The following DCLK1 variants were observed in gnomAD, a reference collection of about 807,000 sequenced individuals.
DCLK1 encodes the protein doublecortin like kinase 1, also known as serine/threonine-protein kinase DCLK1.
In DCLK1, 16 loss-of-function variants were observed where a neutral mutation model predicts 86.2. That is an observed-to-expected ratio of 0.19 (90% CI 0.13 to 0.28). The LOEUF (loss-of-function observed/expected upper bound fraction) is 0.28, where lower values mean the gene tolerates loss of function less well. DCLK1 is among the 10% of genes least tolerant of loss of function. DCLK1 has a pLI of 1.00. For missense variants in DCLK1, 590 were observed against 940.2 expected (o/e 0.63, Z 4.87); for synonymous variants, 369 against 370.5 (o/e 1.00, Z 0.05).
At chr13:36,118,360 T>C (rs74044529) in intron 2 of DCLK1, among the ~76,000 whole-genome samples, 1,628 of 152,220 alleles carry the variant, frequency 0.011, 43 homozygotes, top group African/African-American at 0.038. Context: ...ACTTAGCAGA[T>C]ACAACCAGCC....
chr13:36,025,967 G>T (rs546951206), intron 3 of DCLK1, among the ~76,000 whole-genome samples: 3 of 152,138 alleles, frequency 2.0e-5, no homozygotes, highest in Admixed American at 6.5e-5. Flanking sequence ...GGTCATGGTG[G>T]GGGGAGAGGA....
At chr13:36,112,447 T>A (rs2138191193) in intron 2 of DCLK1, among the ~76,000 whole-genome samples, 1 of 152,278 alleles carries the variant, frequency 6.6e-6, no homozygotes, top group South Asian at 2.1e-4. Context: ...TATTCCTCCA[T>A]TTCCTCATCT....
At chr13:35,928,838 G>A (rs1398571416) in intron 4 of DCLK1, among the ~76,000 whole-genome samples, 2 of 152,214 alleles carry the variant, frequency 1.3e-5, no homozygotes, top group Non-Finnish European at 2.9e-5. Flanking sequence ...CTTGTGGGTA[G>A]TATATTGAGC....
In DCLK1 at chr13:35,774,476, G is replaced by A. The variant is rs565397452; in HGVS notation, c.*59C>T. The A allele has an allele frequency of 6.5e-7, 1 of 1,537,132 alleles. No homozygotes were observed. The highest frequency in any genetic ancestry group is 1.4e-5 in the African/African-American group (1 of 72,242). ...ATGAAACTGTTTTACACAAATTTGG[G>A]GGAAAAAAATCTCAGAGTCTCAAAG... On this transcript the variant is annotated 3_prime_UTR_variant, in exon 17 of 17. Coordinates refer to ENST00000360631, the MANE Select transcript of DCLK1 (RefSeq NM_001330071.2).
At chr13:35,853,756 C>A (rs1039330710) in intron 6 of DCLK1, among the ~76,000 whole-genome samples, 3 of 152,120 alleles carry the variant, frequency 2.0e-5, no homozygotes, top group Non-Finnish European at 4.4e-5. Context: ...GAAATCAGGA[C>A]CATAAAGGGC....
At chr13:36,002,909 C>T (rs1647058153) in intron 3 of DCLK1, among the ~76,000 whole-genome samples, 1 of 152,170 alleles carries the variant, frequency 6.6e-6, no homozygotes, top group Admixed American at 6.5e-5. Context: ...TATGGCTGCA[C>T]CCTGAGGGCT....
chr13:35,918,682 C>G (rs1449141251), intron 4 of DCLK1, among the ~76,000 whole-genome samples: 1 of 152,060 alleles, frequency 6.6e-6, no homozygotes, highest in African/African-American at 2.4e-5. Context: ...AGGAAATCGC[C>G]TAGCCTTCCT....
At chr13:36,075,531 A>C (rs1326145605) in intron 3 of DCLK1, among the ~76,000 whole-genome samples, 1 of 152,232 alleles carries the variant, frequency 6.6e-6, no homozygotes, top group African/African-American at 2.4e-5. Context: ...AGAGAAGTAA[A>C]GAACTATTTC....
intron 4 of DCLK1, among the ~76,000 whole-genome samples, chr13:35,924,838 C>A (rs1428336966): frequency 6.6e-6 from 1 of 152,142 alleles, no homozygotes; most frequent in African/African-American, 2.4e-5. Flanking sequence ...CCAAACCTGG[C>A]CCATTGCCTG....
intron 3 of DCLK1, among the ~76,000 whole-genome samples, chr13:36,031,917 G>T (rs1384153210): frequency 2.0e-5 from 3 of 152,136 alleles, no homozygotes; most frequent in African/African-American, 7.2e-5. Context: ...CTCAGCAGTG[G>T]AGGTCAGACT....
intron 4 of DCLK1, among the ~76,000 whole-genome samples, chr13:35,873,880 T>C (rs1489837867): frequency 1.3e-5 from 2 of 152,242 alleles, no homozygotes; most frequent in African/African-American, 4.8e-5. Context: ...GATTTCTTCT[T>C]TTGCAATTAC....
chr13:36,103,971 T>C (rs1054606840), intron 3 of DCLK1, among the ~76,000 whole-genome samples: 2 of 152,262 alleles, frequency 1.3e-5, no homozygotes, highest in Non-Finnish European at 2.9e-5. Context: ...AGAATATCTA[T>C]TGTTCCCCCA....
At chr13:35,912,384 T>C (rs1340803508) in intron 4 of DCLK1, among the ~76,000 whole-genome samples, 1 of 152,144 alleles carries the variant, frequency 6.6e-6, no homozygotes, top group African/African-American at 2.4e-5. Context: ...GAATGTTGTC[T>C]TTTTCAAAAC....
intron 4 of DCLK1, among the ~76,000 whole-genome samples, chr13:35,935,767 C>A (rs901886099): frequency 3.3e-5 from 5 of 152,200 alleles, no homozygotes; most frequent in Admixed American, 6.5e-5. Context: ...CAAACAAAGA[C>A]AAACTTGGAT....
chr13:36,080,925 T>C (rs1307230924), intron 3 of DCLK1, among the ~76,000 whole-genome samples: 2 of 152,130 alleles, frequency 1.3e-5, no homozygotes, highest in Non-Finnish European at 2.9e-5. Context: ...GAGTAGGGCA[T>C]TCTGTCATCT....
At chr13:35,982,522 G>A (rs572430127) in intron 3 of DCLK1, among the ~76,000 whole-genome samples, 1 of 148,730 alleles carries the variant, frequency 6.7e-6, no homozygotes, top group Admixed American at 6.7e-5. Context: ...GTGAAGTCAG[G>A]ATACCTAAAG....
chr13:35,811,830 G>A (rs2087152372), intron 11 of DCLK1, among the ~76,000 whole-genome samples: 1 of 149,998 alleles, frequency 6.7e-6, no homozygotes. Context: ...GCGAAAATCT[G>A]TCTGAAAAAA....
intron 5 of DCLK1, among the ~76,000 whole-genome samples, chr13:35,861,851 C>A (rs1467703370): frequency 6.6e-6 from 1 of 151,522 alleles, no homozygotes; most frequent in Non-Finnish European, 1.5e-5. Context: ...ATAGTGAAAC[C>A]CCGTCTCTAC....
intron 4 of DCLK1, among the ~76,000 whole-genome samples, chr13:35,925,889 G>C (rs1876084387): frequency 6.6e-6 from 1 of 152,142 alleles, no homozygotes. Context: ...AAGATATGCA[G>C]TGTAATTCTG....
Sources: gnomAD v4.1 joint callset for allele counts (sites outside exome capture counted in the v4.1 genomes callset) on GRCh38, gnomAD v4.1.1 for gene constraint, MANE v1.5 for transcripts, NCBI Gene and HGNC (gene_info 2026-07-23, HGNC 2026-07-21) for gene names.